Variants in GRB14 observed in about 807,000 individuals in gnomAD.
GRB14 encodes growth factor receptor bound protein 14, also known as growth factor receptor-bound protein 14.
A neutral mutation model predicts 69.1 loss-of-function variants in GRB14; 38 were observed. That is an observed-to-expected ratio of 0.55 (90% CI 0.42 to 0.72). GRB14 has a LOEUF of 0.72. GRB14 is among the 30% of genes least tolerant of loss of function. The pLI is 0.00. For synonymous variants in GRB14, 247 were observed against 241.3 expected (o/e 1.02, Z -0.22); for missense variants, 666 against 666.1 (o/e 1.00, Z 0.00).
At chr2:164,509,125 C>CAAATGG (rs1268503813) in intron 6 of GRB14, among the ~76,000 whole-genome samples, 11 of 152,136 alleles carry the variant, frequency 7.2e-5, no homozygotes, top group African/African-American at 2.7e-4. Flanking sequence ...TTCCGATTCT[C>CAAATGG]TTTAACCACC....
At chr2:164,570,380 G>T (rs937389514) in intron 2 of GRB14, among the ~76,000 whole-genome samples, 2 of 150,388 alleles carry the variant, frequency 1.3e-5, no homozygotes, top group Non-Finnish European at 3.0e-5. Flanking sequence ...ATCAAGCAAA[G>T]TACTATTTGC....
At chr2:164,591,228 A>T (rs1355726252) in intron 2 of GRB14, among the ~76,000 whole-genome samples, 2 of 152,152 alleles carry the variant, frequency 1.3e-5, no homozygotes, top group East Asian at 3.8e-4. Context: ...GGAAGATTAG[A>T]CTAGCTTTTG....
intron 5 of GRB14, among the ~76,000 whole-genome samples, 163 bp downstream of exon 5, chr2:164,524,840 AT>A (rs1687726004): frequency 1.3e-5 from 2 of 151,992 alleles, no homozygotes; most frequent in Admixed American, 6.6e-5. Flanking sequence ...GATTTAGGAC[AT>A]TCTTTGCCTG....
intron 2 of GRB14, among the ~76,000 whole-genome samples, chr2:164,599,283 G>C (rs1443571745): frequency 7.0e-6 from 1 of 142,910 alleles, no homozygotes; most frequent in Non-Finnish European, 1.5e-5. Flanking sequence ...GACCAGAAAT[G>C]GTCACACTAT....
intron 6 of GRB14, among the ~76,000 whole-genome samples, chr2:164,521,163 T>TAGAC (rs1156525504): frequency 2.0e-5 from 3 of 151,912 alleles, no homozygotes; most frequent in Admixed American, 2.0e-4. Context: ...GACAGATAGA[T>TAGAC]AGACAGACAG....
chr2:164,533,483 G>A (rs918641656), intron 3 of GRB14, among the ~76,000 whole-genome samples: 1 of 151,716 alleles, frequency 6.6e-6, no homozygotes, highest in Non-Finnish European at 1.5e-5. Flanking sequence ...GCCTCCCAAA[G>A]TGCTGGGATT....
Position 164,502,342 on chromosome 2 carries a change from A to G in GRB14, c.1024-7T>C. 6.8e-7 allele frequency: 1 copy of G among 1,475,210 alleles called. No homozygotes were observed. Among genetic ancestry groups the G allele is most frequent in the Non-Finnish European group, 9.5e-7 (1 of 1,056,582 alleles). 91.4% of individuals were successfully genotyped at this position (1,475,210 alleles called of 1,614,324 possible). ...GGTACAGCTGCATGCCATACTGCAG[A>G]ATAAATAAATAAAACACATTCCCAC... On this transcript the variant is annotated splice_region_variant and splice_polypyrimidine_tract_variant and intron_variant, in intron 8 of 13. Coordinates refer to ENST00000263915, the MANE Select transcript of GRB14 (RefSeq NM_004490.3).
intron 2 of GRB14, among the ~76,000 whole-genome samples, chr2:164,566,328 C>T (rs1371904162): frequency 6.6e-6 from 1 of 151,992 alleles, no homozygotes; most frequent in African/African-American, 2.4e-5. Context: ...TTAAGATCTT[C>T]AGAACAATCA....
rs1689176829 is a variant in GRB14, at chr2:164,573,783, A to C, written c.325-25967T>G. On this transcript the variant is annotated intron_variant, in intron 2 of 13. Transcript: ENST00000263915. ...TTTGAGACTTTCTGTCGCATCCACC[A>C]GTGTATCAGCATTAACATGTTGGCA... The C allele has an allele frequency of 2.5e-6, 4 of 1,612,256 alleles. No individual in the cohort carries two copies. In the Admixed American group the frequency reaches 6.7e-5, roughly 27 times the overall value.
intron 2 of GRB14, among the ~76,000 whole-genome samples, chr2:164,564,582 T>C (rs1688920489): frequency 6.6e-6 from 1 of 152,210 alleles, no homozygotes; most frequent in Admixed American, 6.5e-5. Context: ...GATTTGAATC[T>C]TAAAAAAATA....
chr2:164,599,786 C>A (rs1228734849), intron 2 of GRB14, among the ~76,000 whole-genome samples: 1 of 152,194 alleles, frequency 6.6e-6, no homozygotes, highest in Non-Finnish European at 1.5e-5. Context: ...CACAACAAAT[C>A]ATCTGTAGAA....
chr2:164,603,614 G>A (rs1226244150), intron 2 of GRB14, among the ~76,000 whole-genome samples: 3 of 150,724 alleles, frequency 2.0e-5, no homozygotes, highest in African/African-American at 7.3e-5. Flanking sequence ...AGTGAGCCAA[G>A]GTCGAGCCAC....
intron 2 of GRB14, among the ~76,000 whole-genome samples, chr2:164,597,812 T>C (rs1368086534): frequency 6.6e-6 from 1 of 151,838 alleles, no homozygotes; most frequent in Admixed American, 6.6e-5. Context: ...AACAGGAACA[T>C]AGGGAAAAAT....
chr2:164,498,300 T>C (rs1221198378), intron 9 of GRB14, among the ~76,000 whole-genome samples: 6 of 152,184 alleles, frequency 3.9e-5, no homozygotes, highest in Non-Finnish European at 8.8e-5. Context: ...ATAAAGTCAT[T>C]GTTTTTGCTA....
At chr2:164,620,853 C>T (rs1690440721) in intron 1 of GRB14, among the ~76,000 whole-genome samples, 1 of 152,188 alleles carries the variant, frequency 6.6e-6, no homozygotes, top group African/African-American at 2.4e-5. Context: ...GATCAGCCTG[C>T]AGCCTGAGCT....
rs529275510 is a variant in GRB14, at chr2:164,582,546, G to A, written c.325-34730C>T. On this transcript the variant is annotated intron_variant, in intron 2 of 13. Coordinates refer to ENST00000263915, the MANE Select transcript of GRB14 (RefSeq NM_004490.3). ...AGGCAATTCTCTGCCTCAGCCTCCCGAGTAGCTGGGATTACAGTCACCCGC... is the reference window on the plus strand; with the variant it reads ...AGGCAATTCTCTGCCTCAGCCTCCCAAGTAGCTGGGATTACAGTCACCCGC... Among the ~76,000 whole-genome samples, 90 of 151,510 alleles carry A rather than the reference G, an allele frequency of 5.9e-4. 2 individuals are homozygous for A. In the South Asian group the frequency reaches 0.016, roughly 27 times the overall value.
At chr2:164,504,095 A>G (rs917182964) in intron 8 of GRB14, among the ~76,000 whole-genome samples, 1 of 152,310 alleles carries the variant, frequency 6.6e-6, no homozygotes, top group Admixed American at 6.5e-5. Flanking sequence ...TAAGTCTCAG[A>G]TATTCTATAA....
intron 12 of GRB14, among the ~76,000 whole-genome samples, chr2:164,496,034 T>G (rs192595898): frequency 6.6e-6 from 1 of 152,352 alleles, no homozygotes; most frequent in East Asian, 1.9e-4. Flanking sequence ...TTCAAATTTA[T>G]TTCCAAAAAG....
intron 2 of GRB14, among the ~76,000 whole-genome samples, chr2:164,589,542 A>T (rs1036299350): frequency 6.6e-6 from 1 of 152,106 alleles, no homozygotes; most frequent in East Asian, 1.9e-4. Flanking sequence ...CAAGAGAGGA[A>T]GCAAGAGAGA....
Sources: gnomAD v4.1 joint callset for allele counts (sites outside exome capture counted in the v4.1 genomes callset) on GRCh38, gnomAD v4.1.1 for gene constraint, MANE v1.5 for transcripts, NCBI Gene and HGNC (gene_info 2026-07-23, HGNC 2026-07-21) for gene names.